The following MAGI2 variants were observed in gnomAD, a reference collection of about 807,000 sequenced individuals.
The protein encoded by MAGI2 is membrane-associated guanylate kinase, WW and PDZ domain-containing protein 2.
In MAGI2, 35 loss-of-function variants were observed where a neutral mutation model predicts 133.3. That is an observed-to-expected ratio of 0.26 (90% CI 0.20 to 0.35). The LOEUF is 0.35. MAGI2 is among the 10% of genes least tolerant of loss of function. The probability of loss-of-function intolerance (pLI) is 1.00; values close to 1 mark genes in which losing one functional copy is unlikely to be tolerated. For synonymous variants in MAGI2, 729 were observed against 710.6 expected (o/e 1.03, Z -0.41); for missense variants, 1,636 against 1,863.4 (o/e 0.88, Z 2.25).
intron 9 of MAGI2, among the ~76,000 whole-genome samples, chr7:78,295,527 TC>T (rs770040655): frequency 3.9e-4 from 59 of 152,276 alleles, no homozygotes; most frequent in Middle Eastern, 3.4e-3. Flanking sequence ...ACATATATGA[TC>T]ACTATCTTCC....
chr7:79,349,363 T>G (rs1192074139), intron 1 of MAGI2, among the ~76,000 whole-genome samples: 1 of 152,006 alleles, frequency 6.6e-6, no homozygotes, highest in Non-Finnish European at 1.5e-5. Flanking sequence ...ATTTCTATCT[T>G]GCTTTGTAAC....
At chr7:78,386,432 T>C (rs1185089652) in intron 6 of MAGI2, among the ~76,000 whole-genome samples, 1 of 152,274 alleles carries the variant, frequency 6.6e-6, no homozygotes, top group East Asian at 1.9e-4. Context: ...GAAAACATGA[T>C]GCCTGCTGTT....
chr7:78,133,763 A>C (rs1012171453), intron 17 of MAGI2, among the ~76,000 whole-genome samples: 2 of 152,248 alleles, frequency 1.3e-5, no homozygotes, highest in African/African-American at 2.4e-5. Flanking sequence ...TCTTGTTTGC[A>C]GTTAATTTCC....
chr7:78,042,795 C>A (rs1273798647), intron 21 of MAGI2, among the ~76,000 whole-genome samples: 1 of 152,250 alleles, frequency 6.6e-6, no homozygotes, highest in African/African-American at 2.4e-5. Flanking sequence ...CTTGGAATTA[C>A]TCCCGATAAA....
At chr7:79,429,934 C>A (rs760061711) in intron 1 of MAGI2, among the ~76,000 whole-genome samples, 3 of 151,938 alleles carry the variant, frequency 2.0e-5, no homozygotes, top group Non-Finnish European at 4.4e-5. Flanking sequence ...AAATTCCAGT[C>A]ACTTAAAAGC....
chr7:78,382,853 A>G (rs904744367), intron 6 of MAGI2, among the ~76,000 whole-genome samples: 1 of 152,066 alleles, frequency 6.6e-6, no homozygotes, highest in African/African-American at 2.4e-5. Flanking sequence ...AACTGAGGAC[A>G]TATGATATTT....
At chr7:78,508,581 C>A (rs73376222) in intron 4 of MAGI2, among the ~76,000 whole-genome samples, 1 of 152,206 alleles carries the variant, frequency 6.6e-6, no homozygotes, top group Admixed American at 6.5e-5. Flanking sequence ...AGACCTTACA[C>A]GCCAACCAAG....
intron 2 of MAGI2, among the ~76,000 whole-genome samples, chr7:78,876,507 T>G (rs1296992837): frequency 2.0e-5 from 3 of 151,994 alleles, no homozygotes; most frequent in Non-Finnish European, 4.4e-5. Flanking sequence ...ATTCAAGAAT[T>G]TCAATTAACC....
At chr7:78,109,946 A>G (rs2150462791) in intron 20 of MAGI2, among the ~76,000 whole-genome samples, 1 of 152,154 alleles carries the variant, frequency 6.6e-6, no homozygotes, top group East Asian at 1.9e-4. Context: ...CCAGAAAGAC[A>G]CAGACTGAAG....
intron 21 of MAGI2, among the ~76,000 whole-genome samples, chr7:78,053,618 C>G (rs1231271896): frequency 1.3e-5 from 2 of 152,208 alleles, no homozygotes; most frequent in African/African-American, 4.8e-5. Context: ...ATTTTCTCTT[C>G]TGAGGTCTCT....
chr7:78,849,784 T>C (rs985709248), intron 2 of MAGI2, among the ~76,000 whole-genome samples: 2 of 152,172 alleles, frequency 1.3e-5, no homozygotes, highest in South Asian at 4.1e-4. Flanking sequence ...AGAAATGATT[T>C]TGGGGAGTGG....
intron 3 of MAGI2, among the ~76,000 whole-genome samples, chr7:78,613,090 TAGTA>T (rs1447425509): frequency 2.0e-5 from 3 of 152,180 alleles, no homozygotes; most frequent in African/African-American, 7.2e-5. Flanking sequence ...TATAAGTACA[TAGTA>T]AGACCCATTT....
intron 2 of MAGI2, among the ~76,000 whole-genome samples, chr7:78,868,896 G>C (rs576264214): frequency 1.3e-5 from 2 of 152,212 alleles, no homozygotes; most frequent in East Asian, 3.9e-4. Context: ...TAGGACTACA[G>C]GAGCCCGCCA....
chr7:79,222,205 T>C (rs1403349887), intron 1 of MAGI2, among the ~76,000 whole-genome samples: 1 of 152,056 alleles, frequency 6.6e-6, no homozygotes, highest in Non-Finnish European at 1.5e-5. Context: ...ATGTAAACTA[T>C]GTCTTAAAAA....
chr7:79,034,723 A>C (rs1257780220), intron 1 of MAGI2, among the ~76,000 whole-genome samples: 1 of 95,120 alleles, frequency 1.1e-5, no homozygotes, highest in Non-Finnish European at 2.4e-5. Context: ...GCAGCAGGCA[A>C]ATGTGAAAAA....
chr7:79,442,733 C>T (rs1041024703), intron 1 of MAGI2, among the ~76,000 whole-genome samples: 23 of 151,420 alleles, frequency 1.5e-4, no homozygotes, highest in Non-Finnish European at 5.9e-5. Flanking sequence ...GCTCATTCAG[C>T]CTTCACTCTT....
chr7:78,950,969 C>CTTTTT (rs761908445), intron 2 of MAGI2, among the ~76,000 whole-genome samples: 6 of 125,644 alleles, frequency 4.8e-5, no homozygotes, highest in Non-Finnish European at 6.7e-5. Flanking sequence ...CTAACGTTAG[C>CTTTTT]TTTTTTTTTT....
chr7:78,644,703 G>T (rs1239233284), intron 2 of MAGI2, among the ~76,000 whole-genome samples: 1 of 152,056 alleles, frequency 6.6e-6, no homozygotes. Flanking sequence ...ACGCAGAAAG[G>T]TCTCAAATCA....
At chr7:78,836,664 T>G (rs1225221748) in intron 2 of MAGI2, among the ~76,000 whole-genome samples, 2 of 152,214 alleles carry the variant, frequency 1.3e-5, no homozygotes, top group African/African-American at 2.4e-5. Context: ...TTTAAATAAA[T>G]AAATGAAGAG....
Sources: allele counts gnomAD v4.1 joint callset (sites outside exome capture counted in the v4.1 genomes callset), GRCh38; gene constraint gnomAD v4.1.1; transcripts MANE v1.5; gene names NCBI Gene and HGNC (gene_info 2026-07-23, HGNC 2026-07-21).